The following PDE4D variants were observed in gnomAD, a reference collection of about 807,000 sequenced individuals.
The protein encoded by PDE4D is 3',5'-cyclic-AMP phosphodiesterase 4D.
Under a neutral mutation model 87.4 loss-of-function variants are expected in PDE4D, and 24 were observed. The ratio of observed to expected loss-of-function variants is 0.27; its 90% CI spans 0.20 to 0.39. PDE4D has a LOEUF of 0.39. PDE4D is among the 10% of genes least tolerant of loss of function. The probability of loss-of-function intolerance (pLI) is 1.00; values close to 1 mark genes in which losing one functional copy is unlikely to be tolerated. For missense variants in PDE4D, 714 were observed against 1,041.0 expected (o/e 0.69, Z 4.32); for synonymous variants, 384 against 383.2 (o/e 1.00, Z -0.02).
chr5:59,234,666 T>C (rs1352094754), intron 1 of PDE4D, among the ~76,000 whole-genome samples: 2 of 152,304 alleles, frequency 1.3e-5, no homozygotes, highest in East Asian at 1.9e-4. Context: ...ATGTTAAATG[T>C]AGTTACTTTT....
chr5:60,040,499 T>C lies in PDE4D; in HGVS notation c.43-51782A>G, dbSNP rs117498051. ...CTACAGTCTGTGCTTTATCTCACTATAACTTTCACCAAATGAATTAATTAG... is the reference window on the plus strand; with the variant it reads ...CTACAGTCTGTGCTTTATCTCACTACAACTTTCACCAAATGAATTAATTAG... On this transcript the variant is annotated intron_variant, in intron 2 of 16. Transcript: ENST00000502484. 5.8e-4 allele frequency among the ~76,000 whole-genome samples: 88 copies of C among 152,350 alleles called. 2 individuals are homozygous for C. The East Asian group carries it at 0.013, about 23-fold the overall frequency.
intron 1 of PDE4D, among the ~76,000 whole-genome samples, chr5:59,438,805 C>A (rs1797161606): frequency 6.6e-6 from 1 of 151,586 alleles, no homozygotes; most frequent in Non-Finnish European, 1.5e-5. Flanking sequence ...GAAAAAAAAA[C>A]AAATAATAGA....
chr5:59,310,099 G>A (rs1772271914), intron 1 of PDE4D, among the ~76,000 whole-genome samples: 1 of 152,180 alleles, frequency 6.6e-6, no homozygotes, highest in Admixed American at 6.5e-5. Context: ...AGTCTGTACT[G>A]AGTAGACCTA....
intron 1 of PDE4D, among the ~76,000 whole-genome samples, chr5:59,595,769 T>C (rs1826585432): frequency 6.6e-6 from 1 of 152,130 alleles, no homozygotes; most frequent in Non-Finnish European, 1.5e-5. Context: ...CTCTTTAGTT[T>C]TGATCCACCT....
At position 60,043,899 on chromosome 5, in the gene PDE4D, T is replaced by A. The variant is rs549697429; in HGVS notation, c.43-55182A>T. On this transcript the variant is annotated intron_variant, in intron 2 of 16. Coordinates refer to the PDE4D transcript ENST00000502484. ...AGGATAGTTTCACTGTATCCAGAAT[T>A]CTAGTTTTATCCTTTAAACACTTTA... Among the ~76,000 whole-genome samples, 6 of 152,300 alleles carry A rather than the reference T, an allele frequency of 3.9e-5. No homozygotes were observed. The South Asian group carries it at 1.2e-3, about 32-fold the overall frequency.
chr5:59,577,484 T>G (rs998578875), intron 1 of PDE4D, among the ~76,000 whole-genome samples: 12 of 152,122 alleles, frequency 7.9e-5, no homozygotes, highest in Non-Finnish European at 7.4e-5. Context: ...GTAAATTAAC[T>G]AGGTAAGATA....
intron 1 of PDE4D, chr5:60,430,832 C>T (rs1157698697): frequency 1.2e-5 from 3 of 249,846 alleles, no homozygotes; most frequent in Non-Finnish European, 2.4e-5. Flanking sequence ...GGACACAGCA[C>T]ATGTTTCAGA....
At chr5:60,069,411 G>A (rs956338328) in intron 2 of PDE4D, among the ~76,000 whole-genome samples, 1 of 152,094 alleles carries the variant, frequency 6.6e-6, no homozygotes. Flanking sequence ...CAAACTTCTG[G>A]AACTGTGAGA....
At chr5:59,992,705 T>A (rs1430697508) in intron 2 of PDE4D, among the ~76,000 whole-genome samples, 1 of 152,156 alleles carries the variant, frequency 6.6e-6, no homozygotes, top group African/African-American at 2.4e-5. Context: ...TAAAACTGCC[T>A]CAAGACGTAA....
chr5:60,365,567 A>G lies in PDE4D; in HGVS notation c.-90+122375T>C, dbSNP rs143462359. Among the ~76,000 whole-genome samples the G allele has an allele frequency of 6.6e-5, 10 of 152,362 alleles. No individual in the cohort carries two copies. The East Asian group carries it at 1.7e-3, about 26-fold the overall frequency. ...AGAAATAGCACAGATAAATAGATGG[A>G]TGGATGAATCAATAGATAGATAAAT... On this transcript the variant is annotated intron_variant, in intron 1 of 16. Coordinates refer to the PDE4D transcript ENST00000502484.
chr5:59,893,147 G>A (rs955633424), intron 1 of PDE4D, 21 bp downstream of exon 1: 17 of 1,547,028 alleles, frequency 1.1e-5, no homozygotes, highest in Non-Finnish European at 1.4e-5. Flanking sequence ...CTGAATGGGG[G>A]AGGGGGCGCT....
chr5:59,263,901 A>T (rs755987233), intron 1 of PDE4D, among the ~76,000 whole-genome samples: 4 of 151,972 alleles, frequency 2.6e-5, no homozygotes, highest in Non-Finnish European at 4.4e-5. Flanking sequence ...TGGTGATTAC[A>T]GGGGTGACCT....
intron 1 of PDE4D, among the ~76,000 whole-genome samples, chr5:60,261,235 T>C (rs1194047115): frequency 6.6e-6 from 1 of 152,132 alleles, no homozygotes; most frequent in Non-Finnish European, 1.5e-5. Flanking sequence ...GAAACAACCT[T>C]GAATGTTTGG....
chr5:59,222,944 T>G (rs2153511862), intron 1 of PDE4D, among the ~76,000 whole-genome samples: 1 of 152,326 alleles, frequency 6.6e-6, no homozygotes. Flanking sequence ...TTTTTCATTT[T>G]TATTACTCTT....
chr5:60,441,993 G>C (rs571380038), intron 1 of PDE4D, among the ~76,000 whole-genome samples: 1 of 152,268 alleles, frequency 6.6e-6, no homozygotes, highest in East Asian at 1.9e-4. Context: ...CTGTTGGTGG[G>C]AGTGTAAATT....
chr5:59,975,650 T>C (rs993032734), intron 3 of PDE4D, among the ~76,000 whole-genome samples: 1 of 152,226 alleles, frequency 6.6e-6, no homozygotes, highest in African/African-American at 2.4e-5. Flanking sequence ...AGTGTTTATA[T>C]CATAGCTGCT....
chr5:59,795,913 A>G (rs1433149202), intron 1 of PDE4D, among the ~76,000 whole-genome samples: 1 of 152,214 alleles, frequency 6.6e-6, no homozygotes, highest in African/African-American at 2.4e-5. Flanking sequence ...AGACACACAC[A>G]TATGCAGGAG....
chr5:59,496,451 G>A (rs748262554), intron 1 of PDE4D, among the ~76,000 whole-genome samples: 1 of 152,062 alleles, frequency 6.6e-6, no homozygotes, highest in Admixed American at 6.5e-5. Context: ...CCCTCGCCAG[G>A]GACTCACCCT....
chr5:58,981,986 T>C (rs976429681), intron 11 of PDE4D, among the ~76,000 whole-genome samples: 1 of 152,172 alleles, frequency 6.6e-6, no homozygotes, highest in Non-Finnish European at 1.5e-5. Flanking sequence ...GATGATTGAA[T>C]CAGATGCATA....
Sources: gnomAD v4.1 joint callset for allele counts (sites outside exome capture counted in the v4.1 genomes callset) on GRCh38, gnomAD v4.1.1 for gene constraint, MANE v1.5 for transcripts, NCBI Gene and HGNC (gene_info 2026-07-23, HGNC 2026-07-21) for gene names.